The following GRIN2A variants were observed in gnomAD, a reference collection of about 807,000 sequenced individuals.
The protein encoded by GRIN2A is glutamate ionotropic receptor NMDA type subunit 2A.
A neutral mutation model predicts 113.4 loss-of-function variants in GRIN2A; 22 were observed. That is an observed-to-expected ratio of 0.19 (90% CI 0.14 to 0.28). The LOEUF (loss-of-function observed/expected upper bound fraction) is 0.28. Among genes scored for constraint, GRIN2A ranks in the 10% least tolerant of loss-of-function variants. The pLI, the probability that GRIN2A is intolerant of heterozygous loss-of-function variation, is 1.00. For missense variants in GRIN2A, 1,502 were observed against 1,887.0 expected (o/e 0.80, Z 3.78); for synonymous variants, 827 against 738.4 (o/e 1.12, Z -1.94).
chr16:10,038,252 T>C (rs995203654), intron 2 of GRIN2A, among the ~76,000 whole-genome samples: 1 of 151,996 alleles, frequency 6.6e-6, no homozygotes, highest in Non-Finnish European at 1.5e-5. Flanking sequence ...CCTAATCCCA[T>C]TCATGACTTA....
Position 10,106,062 on chromosome 16 carries a change from C to A in GRIN2A, c.414+73936G>T, listed in dbSNP as rs1392502756. ...TAAAAGAAGTTTTTTGCAAAGCCAC[C>A]TTTTGTGTATGGAACTGTGTGTGAA... On this transcript the variant is annotated intron_variant, in intron 2 of 12. Coordinates refer to ENST00000330684, the MANE Select transcript of GRIN2A (RefSeq NM_001134407.3). 2.0e-5 allele frequency among the ~76,000 whole-genome samples: 3 copies of A among 152,186 alleles called. No homozygotes were observed. The East Asian group carries it at 5.8e-4, about 29-fold the overall frequency.
At chr16:9,889,099 C>A (rs2043643437) in intron 4 of GRIN2A, among the ~76,000 whole-genome samples, 1 of 151,934 alleles carries the variant, frequency 6.6e-6, no homozygotes, top group Non-Finnish European at 1.5e-5. Context: ...TCTCTTTTGT[C>A]TTTTTAAAAT....
chr16:9,953,124 A>G (rs2045222180), intron 2 of GRIN2A, among the ~76,000 whole-genome samples: 1 of 152,222 alleles, frequency 6.6e-6, no homozygotes, highest in Non-Finnish European at 1.5e-5. Context: ...GCAACTCCAG[A>G]AAAGAGAGAA....
At chr16:9,879,638 C>T (rs2043438987) in intron 4 of GRIN2A, among the ~76,000 whole-genome samples, 1 of 152,120 alleles carries the variant, frequency 6.6e-6, no homozygotes, top group South Asian at 2.1e-4. Context: ...AGCAGTGTAG[C>T]TCATGTCTAA....
At chr16:9,837,047 G>A (rs1436673654) in intron 7 of GRIN2A, among the ~76,000 whole-genome samples, 2 of 152,322 alleles carry the variant, frequency 1.3e-5, no homozygotes, top group East Asian at 3.9e-4. Context: ...AGTTAATGGA[G>A]TTTGTGGAGG....
chr16:10,110,598 G>C (rs1388594593), intron 2 of GRIN2A, among the ~76,000 whole-genome samples: 1 of 152,212 alleles, frequency 6.6e-6, no homozygotes, highest in African/African-American at 2.4e-5. Flanking sequence ...TAAGTCAAGG[G>C]ATATTTCAAA....
chr16:9,808,675 T>C (rs2042028154), intron 10 of GRIN2A, among the ~76,000 whole-genome samples: 2 of 152,162 alleles, frequency 1.3e-5, no homozygotes, highest in Non-Finnish European at 2.9e-5. Flanking sequence ...AATATTAAAG[T>C]AGGCGTTTCT....
At chr16:10,179,808 A>T (rs2050221845) in intron 2 of GRIN2A, 190 bp downstream of exon 2, 1 of 636,122 alleles carries the variant, frequency 1.6e-6, no homozygotes, top group Non-Finnish European at 2.8e-6. Flanking sequence ...ACAAGGCAAA[A>T]GGCATTTCCA....
chr16:9,976,851 C>T (rs1042359736), intron 2 of GRIN2A, among the ~76,000 whole-genome samples: 1 of 152,098 alleles, frequency 6.6e-6, no homozygotes, highest in Admixed American at 6.5e-5. Flanking sequence ...GACACCACAT[C>T]GCGTGACAAA....
At chr16:9,966,014 C>T (rs2045550334) in intron 2 of GRIN2A, among the ~76,000 whole-genome samples, 1 of 152,158 alleles carries the variant, frequency 6.6e-6, no homozygotes, top group Non-Finnish European at 1.5e-5. Context: ...ATATGCAGCA[C>T]CTTAAGCCCA....
intron 5 of GRIN2A, among the ~76,000 whole-genome samples, chr16:9,844,286 G>A (rs981569060): frequency 2.0e-5 from 3 of 152,134 alleles, no homozygotes; most frequent in Admixed American, 6.5e-5. Flanking sequence ...GATCAATGAC[G>A]CATTTTCACC....
intron 2 of GRIN2A, among the ~76,000 whole-genome samples, chr16:10,089,516 C>T (rs753994018): frequency 1.3e-4 from 19 of 151,816 alleles, no homozygotes; most frequent in African/African-American, 2.9e-4. Context: ...GGTTTAGGAA[C>T]GATTTTTCTA....
intron 2 of GRIN2A, among the ~76,000 whole-genome samples, chr16:9,994,167 C>A (rs1466349085): frequency 6.6e-6 from 1 of 152,140 alleles, no homozygotes; most frequent in Admixed American, 6.5e-5. Context: ...AATGAATGAT[C>A]TAGATCTTCA....
chr16:9,823,275 C>A (rs987537996), intron 9 of GRIN2A, among the ~76,000 whole-genome samples: 1 of 152,126 alleles, frequency 6.6e-6, no homozygotes, highest in Non-Finnish European at 1.5e-5. Context: ...TGGTGGCGGG[C>A]TGTGGTTATA....
chr16:9,989,874 T>C (rs1365832173), intron 2 of GRIN2A, among the ~76,000 whole-genome samples: 1 of 152,042 alleles, frequency 6.6e-6, no homozygotes, highest in African/African-American at 2.4e-5. Flanking sequence ...TATTAAAGAA[T>C]CAGAAATAAC....
chr16:10,159,319 G>A (rs1003675916), intron 2 of GRIN2A, among the ~76,000 whole-genome samples: 1 of 152,198 alleles, frequency 6.6e-6, no homozygotes, highest in Non-Finnish European at 1.5e-5. Context: ...GGCCTGGGCA[G>A]GTTCAGTATG....
chr16:10,085,096 A>C (rs2048061186), intron 2 of GRIN2A, among the ~76,000 whole-genome samples: 1 of 152,198 alleles, frequency 6.6e-6, no homozygotes, highest in Non-Finnish European at 1.5e-5. Flanking sequence ...AGTTTTGGTC[A>C]CTTGTTCAGT....
At chr16:9,909,683 T>C (rs1318206788) in intron 3 of GRIN2A, among the ~76,000 whole-genome samples, 2 of 152,206 alleles carry the variant, frequency 1.3e-5, no homozygotes, top group African/African-American at 4.8e-5. Context: ...ATGCCTTAAG[T>C]GTATTTGAGA....
intron 2 of GRIN2A, among the ~76,000 whole-genome samples, chr16:10,045,246 G>A (rs2047237629): frequency 6.6e-6 from 1 of 152,176 alleles, no homozygotes; most frequent in African/African-American, 2.4e-5. Flanking sequence ...GCTCAAAACT[G>A]CCAAGCACTA....
Sources: gnomAD v4.1 joint callset for allele counts (sites outside exome capture counted in the v4.1 genomes callset) on GRCh38, gnomAD v4.1.1 for gene constraint, MANE v1.5 for transcripts, NCBI Gene and HGNC (gene_info 2026-07-23, HGNC 2026-07-21) for gene names.